YES1: variants seen among roughly 807,000 people sequenced by gnomAD.
YES1 encodes the protein YES proto-oncogene 1, Src family tyrosine kinase.
YES1 carries 39 observed loss-of-function variants against 70.4 expected under a neutral mutation model. That is an observed-to-expected ratio of 0.55 (90% CI 0.43 to 0.72). The LOEUF (loss-of-function observed/expected upper bound fraction) is 0.72, where lower values mean the gene tolerates loss of function less well. YES1 is among the 30% of genes least tolerant of loss of function. YES1 has a pLI of 0.00. For missense variants in YES1, 495 were observed against 644.8 expected, an observed-to-expected ratio of 0.77 and a Z score of 2.52; for synonymous variants, 198 against 218.6, an observed-to-expected ratio of 0.91 and a Z score of 0.83.
chr18:742,880 T>C, intron 8 of YES1, 38 bp downstream of exon 8: 1 of 1,493,216 alleles, frequency 6.7e-7, no homozygotes, highest in Non-Finnish European at 8.9e-7. Context: ...CTTAAAAACA[T>C]TATCAACACA....
chr18:808,878 A>C (rs1175552307), intron 1 of YES1, among the ~76,000 whole-genome samples: 1 of 152,222 alleles, frequency 6.6e-6, no homozygotes, highest in African/African-American at 2.4e-5. Context: ...AGGTGCTGTG[A>C]ATCTTCATAA....
intron 1 of YES1, among the ~76,000 whole-genome samples, chr18:801,881 A>T (rs2145835426): frequency 6.6e-6 from 1 of 152,316 alleles, no homozygotes; most frequent in South Asian, 2.1e-4. Context: ...TGCTCTGTTA[A>T]TCTGGCGGAA....
intron 2 of YES1, among the ~76,000 whole-genome samples, chr18:755,942 G>A (rs1385531874): frequency 6.6e-6 from 1 of 152,038 alleles, no homozygotes; most frequent in African/African-American, 2.4e-5. Context: ...CTGTCTCCAC[G>A]AAAGGTTGTC....
At chr18:789,556 C>A (rs962075149) in intron 1 of YES1, among the ~76,000 whole-genome samples, 3 of 151,964 alleles carry the variant, frequency 2.0e-5, no homozygotes, top group African/African-American at 7.3e-5. Flanking sequence ...GCACTTCAGC[C>A]TAGGCAAGAG....
At chr18:795,659 A>G (rs1906500216) in intron 1 of YES1, among the ~76,000 whole-genome samples, 1 of 151,918 alleles carries the variant, frequency 6.6e-6, no homozygotes, top group South Asian at 2.1e-4. Context: ...ACAGGAACAG[A>G]AAACCAAACA....
intron 1 of YES1, among the ~76,000 whole-genome samples, chr18:781,351 A>C (rs1905658679): frequency 6.6e-6 from 1 of 151,780 alleles, no homozygotes; most frequent in Non-Finnish European, 1.5e-5. Context: ...TTAGATCCTC[A>C]AATGTACCAT....
Position 743,361 on chromosome 18 carries a change from G to T in YES1, c.779C>A (p.Pro260His). The change falls in exon 7 of 12, where the codon CCT (proline) becomes CAT (histidine). Residue 260 changes from proline (P) to histidine (H), a missense_variant. Coordinates refer to ENST00000314574, the MANE Select transcript of YES1 (RefSeq NM_005433.4). Reference sequence around the variant, plus strand: ...ATCTTTTGCTAGACCTTGAGTCTGAGGTTTCACAGTTGGACACACAGTTGT... The same window carrying T: ...ATCTTTTGCTAGACCTTGAGTCTGATGTTTCACAGTTGGACACACAGTTGT... ...KLTTVCPTVKPQTQGLAKDAW... is the reference protein window; with the variant it reads ...KLTTVCPTVKHQTQGLAKDAW... The T allele has an allele frequency of 6.2e-7, 1 of 1,612,904 alleles. No homozygotes were observed. Among genetic ancestry groups the T allele is most frequent in the Non-Finnish European group, 8.5e-7 (1 of 1,179,994 alleles).
intron 1 of YES1, among the ~76,000 whole-genome samples, chr18:769,558 T>C (rs911730628): frequency 6.6e-6 from 1 of 152,188 alleles, no homozygotes; most frequent in African/African-American, 2.4e-5. Context: ...GCTGTAGGAT[T>C]TTTGTATTAT....
intron 1 of YES1, among the ~76,000 whole-genome samples, chr18:790,195 G>A (rs966613389): frequency 6.6e-6 from 1 of 152,128 alleles, no homozygotes; most frequent in Non-Finnish European, 1.5e-5. Flanking sequence ...GGCCAACATG[G>A]TGAAATCCTG....
intron 1 of YES1, among the ~76,000 whole-genome samples, chr18:811,834 T>C (rs1907400329): frequency 6.6e-6 from 1 of 151,128 alleles, no homozygotes; most frequent in Admixed American, 6.6e-5. Context: ...GGGTGGGGAG[T>C]GTCCCCACGC....
chr18:807,270 G>C (rs771668758), intron 1 of YES1, among the ~76,000 whole-genome samples: 27 of 151,340 alleles, frequency 1.8e-4, no homozygotes, highest in Non-Finnish European at 2.9e-4. Context: ...GGAGGCAGAG[G>C]TTGCAGTGAG....
At chr18:770,258 G>A (rs376585848) in intron 1 of YES1, among the ~76,000 whole-genome samples, 1 of 139,480 alleles carries the variant, frequency 7.2e-6, no homozygotes, top group African/African-American at 2.8e-5. Flanking sequence ...ACTGCGCCCG[G>A]CCCTTTTATC....
At chr18:751,162 T>A (rs1342341562) in intron 3 of YES1, among the ~76,000 whole-genome samples, 1 of 152,124 alleles carries the variant, frequency 6.6e-6, no homozygotes, top group African/African-American at 2.4e-5. Context: ...TTTTGAGAAG[T>A]TACAAAGTGG....
chr18:748,409 TC>T (rs1362693167), intron 3 of YES1, among the ~76,000 whole-genome samples: 1 of 151,332 alleles, frequency 6.6e-6, no homozygotes, highest in African/African-American at 2.4e-5. Context: ...GCCATAAAAT[TC>T]CCCCACTTAA....
At chr18:774,573 A>G (rs1196536086) in intron 1 of YES1, among the ~76,000 whole-genome samples, 2 of 151,858 alleles carry the variant, frequency 1.3e-5, no homozygotes, top group African/African-American at 4.8e-5. Flanking sequence ...CCTATTTCAC[A>G]CCCTTAAACT....
rs1906451148 is a variant in YES1, at chr18:794,729, C to CT, written c.-9+17384dup. On this transcript the variant is annotated intron_variant, in intron 1 of 11. Coordinates refer to ENST00000314574, the MANE Select transcript of YES1 (RefSeq NM_005433.4). ...AGCTGGCAATCCTTCGTGCTCCTGGCTTACAGGTGCATCCCACCAATTTCT... is the reference window on the plus strand; with the variant it reads ...AGCTGGCAATCCTTCGTGCTCCTGGCTTTACAGGTGCATCCCACCAATTTCT... Among the ~76,000 whole-genome samples, 2 of 152,208 alleles carry CT rather than the reference C, an allele frequency of 1.3e-5. 1 individual carries two copies. The highest frequency in any genetic ancestry group is 4.1e-4 in the South Asian group (2 of 4,830).
At chr18:782,777 C>T (rs1446166419) in intron 1 of YES1, among the ~76,000 whole-genome samples, 1 of 152,224 alleles carries the variant, frequency 6.6e-6, no homozygotes, top group East Asian at 1.9e-4. Context: ...TCACTGCAAC[C>T]TCCACCTCCT....
At chr18:747,430 C>T (rs1256368511) in intron 4 of YES1, among the ~76,000 whole-genome samples, 2 of 152,280 alleles carry the variant, frequency 1.3e-5, no homozygotes, top group Non-Finnish European at 2.9e-5. Flanking sequence ...GATCACGCCA[C>T]TGCACTCTAG....
chr18:781,223 C>A (rs1340186200), intron 1 of YES1, among the ~76,000 whole-genome samples: 1 of 144,322 alleles, frequency 6.9e-6, no homozygotes, highest in Non-Finnish European at 1.5e-5. Context: ...GAGCCGAGAT[C>A]GCGCCATTGC....
Sources: allele counts gnomAD v4.1 joint callset (sites outside exome capture counted in the v4.1 genomes callset), GRCh38; gene constraint gnomAD v4.1.1; transcripts MANE v1.5; gene names NCBI Gene and HGNC (gene_info 2026-07-23, HGNC 2026-07-21).